Variants in ATL2 observed in about 807,000 individuals in gnomAD.
The protein encoded by ATL2 is atlastin GTPase 2, also known as atlastin-2.
Under a neutral mutation model 73.9 loss-of-function variants are expected in ATL2, and 31 were observed. That is an observed-to-expected ratio of 0.42 (90% CI 0.32 to 0.57). The LOEUF (loss-of-function observed/expected upper bound fraction) is 0.57. Among genes scored for constraint, ATL2 ranks in the 20% least tolerant of loss-of-function variants. ATL2 has a pLI of 0.14. For synonymous variants in ATL2, 291 were observed against 237.5 expected (o/e 1.23, Z -2.07); for missense variants, 738 against 702.6 (o/e 1.05, Z -0.57).
At chr2:38,320,798 G>A (rs1026867035) in intron 2 of ATL2, among the ~76,000 whole-genome samples, 2 of 152,020 alleles carry the variant, frequency 1.3e-5, no homozygotes, top group Non-Finnish European at 2.9e-5. Context: ...ACCAATGAGG[G>A]ATGAAGCAAT....
chr2:38,311,116 C>G (rs1246888929), intron 7 of ATL2, among the ~76,000 whole-genome samples: 1 of 142,658 alleles, frequency 7.0e-6, no homozygotes, highest in African/African-American at 2.9e-5. Flanking sequence ...CAAAACAGAA[C>G]AAAACAAAAA....
intron 2 of ATL2, among the ~76,000 whole-genome samples, chr2:38,342,018 A>G (rs1669748981): frequency 6.6e-6 from 1 of 152,162 alleles, no homozygotes; most frequent in South Asian, 2.1e-4. Flanking sequence ...CTCCACTCCA[A>G]AATTTCCAAT....
At chr2:38,341,497 G>A (rs763756430) in intron 2 of ATL2, among the ~76,000 whole-genome samples, 1 of 152,086 alleles carries the variant, frequency 6.6e-6, no homozygotes, top group African/African-American at 2.4e-5. Flanking sequence ...AATCAGCCAA[G>A]CATTGTGGTG....
At chr2:38,337,476 ACT>A (rs1410595165) in intron 2 of ATL2, among the ~76,000 whole-genome samples, 3 of 116,528 alleles carry the variant, frequency 2.6e-5, no homozygotes, top group South Asian at 6.4e-4. Context: ...ACAGAACAAG[ACT>A]CTGTCTCCAA....
chr2:38,372,167 G>A (rs13431171), intron 1 of ATL2, among the ~76,000 whole-genome samples: 2 of 136,982 alleles, frequency 1.5e-5, no homozygotes, highest in African/African-American at 2.7e-5. Flanking sequence ...ACAGACCCAA[G>A]TTAGATTTTG....
intron 2 of ATL2, among the ~76,000 whole-genome samples, chr2:38,333,728 A>G (rs1218591002): frequency 6.6e-6 from 1 of 152,218 alleles, no homozygotes; most frequent in African/African-American, 2.4e-5. Context: ...AAGCTGGAAA[A>G]GCTGCAAAGG....
chr2:38,302,386 C>T (rs1225016140), intron 9 of ATL2, among the ~76,000 whole-genome samples: 1 of 152,138 alleles, frequency 6.6e-6, no homozygotes, highest in Non-Finnish European at 1.5e-5. Context: ...CAGAGAGCAT[C>T]TCTGGACCCA....
intron 8 of ATL2, 110 bp downstream of exon 8, chr2:38,310,199 C>T: frequency 7.9e-7 from 1 of 1,258,098 alleles, no homozygotes; most frequent in Non-Finnish European, 1.1e-6. Flanking sequence ...ACAATGCATC[C>T]AAACATTCTC....
chr2:38,298,312 G>C lies in ATL2; in HGVS notation c.1464C>G (p.Ile488Met). ...LFAVMFAMYI[I>M]SGLTGFIGLN... ...GGCCAATGAAGCCAGTCAGTCCTGA[G>C]ATTATATACATAGCAAACATGACCG... Residue 488 changes from isoleucine to methionine, a missense_variant, in exon 12 of 13, where the codon ATC (isoleucine) becomes ATG (methionine). Physicochemically the swap from Ile to Met is conservative, Grantham distance 10 (BLOSUM62 1). Transcript: ENST00000378954. The C allele has an allele frequency of 1.9e-6, 3 of 1,614,192 alleles. No individual in the cohort carries two copies. Among genetic ancestry groups the C allele is most frequent in the Non-Finnish European group, 2.5e-6 (3 of 1,180,016 alleles).
At chr2:38,315,232 C>T (rs367623854) in intron 5 of ATL2, 52 bp downstream of exon 5, 3 of 1,400,272 alleles carry the variant, frequency 2.1e-6, no homozygotes, top group Admixed American at 3.5e-5. Context: ...GTCTGGGGAA[C>T]AAGAGCGAAA....
intron 2 of ATL2, among the ~76,000 whole-genome samples, chr2:38,326,503 G>C (rs1450747521): frequency 6.6e-6 from 1 of 152,144 alleles, no homozygotes; most frequent in African/African-American, 2.4e-5. Context: ...TTCAGAATTA[G>C]AAAATAGGAA....
At chr2:38,296,364 G>A in intron 12 of ATL2, 2 of 1,489,528 alleles carry the variant, frequency 1.3e-6, no homozygotes, top group Non-Finnish European at 1.8e-6. Context: ...TACCCTATAT[G>A]CAGCATCAAA....
chr2:38,341,277 T>C (rs904012496), intron 2 of ATL2, among the ~76,000 whole-genome samples: 2 of 152,140 alleles, frequency 1.3e-5, no homozygotes, highest in African/African-American at 4.8e-5. Flanking sequence ...TACAGTTTTT[T>C]TAAAAAATAT....
chr2:38,349,393 A>T, intron 1 of ATL2, among the ~76,000 whole-genome samples: 1 of 151,360 alleles, frequency 6.6e-6, no homozygotes, highest in Middle Eastern at 3.2e-3. Context: ...TGAAATTGGA[A>T]ATCATCATTC....
In ATL2 at chr2:38,374,561, T is replaced by C. The variant is rs141356369; in HGVS notation, c.118+2582A>G. ...CTTCTACTCCTATGCCTTACATTTCTGGCTCTTAACTTTTTAAGGGCCTGA... is the reference window on the plus strand; with the variant it reads ...CTTCTACTCCTATGCCTTACATTTCCGGCTCTTAACTTTTTAAGGGCCTGA... On this transcript the variant is annotated intron_variant, in intron 1 of 12. Transcript: ENST00000378954. 3.2e-3 allele frequency among the ~76,000 whole-genome samples: 484 copies of C among 152,396 alleles called. 10 individuals carry two copies. The highest frequency in any genetic ancestry group is 0.029 in the Admixed American group (446 of 15,308).
At chr2:38,309,582 T>A in intron 8 of ATL2, 76 bp from the exon 9 acceptor site, 4 of 1,424,568 alleles carry the variant, frequency 2.8e-6, no homozygotes, top group Non-Finnish European at 2.9e-6. Flanking sequence ...CATAAAATTC[T>A]GTTTTATGAA....
At chr2:38,350,531 T>A (rs1371390673) in intron 1 of ATL2, among the ~76,000 whole-genome samples, 12 of 152,210 alleles carry the variant, frequency 7.9e-5, no homozygotes, top group Admixed American at 7.9e-4. Context: ...GGTTGATACC[T>A]GTCATTATAC....
At position 38,299,288 on chromosome 2, in the gene ATL2, C is replaced by T; in HGVS notation, c.1168G>A (p.Ala390Thr). The T allele has an allele frequency of 1.3e-6, 2 of 1,514,702 alleles. No homozygotes were observed. Among genetic ancestry groups the T allele is most frequent in the Admixed American group, 2.6e-5 (1 of 38,040 alleles). The allele number at this position is 1,514,702 out of a possible 1,614,324, so 93.8% of individuals were successfully genotyped here. Residue 390 changes from alanine to threonine, a missense_variant, in exon 11 of 13, where the codon GCA becomes ACA. Physicochemically the swap from Ala to Thr is moderately conservative, Grantham distance 58 (BLOSUM62 0). Transcript: ENST00000378954. ...EANNLAAVAG[A>T]RDTYCKSMEQ... ...ATACTTTTACAATAGGTATCTCTTGCTCCTGCTACTGCAGCAAGATTATTA... is the reference window on the plus strand; with the variant it reads ...ATACTTTTACAATAGGTATCTCTTGTTCCTGCTACTGCAGCAAGATTATTA...
chr2:38,321,020 C>T (rs555038870), intron 2 of ATL2, among the ~76,000 whole-genome samples: 2 of 149,314 alleles, frequency 1.3e-5, no homozygotes, highest in African/African-American at 4.9e-5. Flanking sequence ...CCAGGCGTGG[C>T]GGCACATGCC....
Sources: allele counts gnomAD v4.1 joint callset (sites outside exome capture counted in the v4.1 genomes callset), GRCh38; gene constraint gnomAD v4.1.1; transcripts MANE v1.5; gene names NCBI Gene and HGNC (gene_info 2026-07-23, HGNC 2026-07-21).